Variants in PPP1R13B observed in about 807,000 individuals in gnomAD.
PPP1R13B encodes the protein protein phosphatase 1 regulatory subunit 13B.
In PPP1R13B, 44 loss-of-function variants were observed where a neutral mutation model predicts 119.8. The observed-to-expected ratio is 0.37, with a 90% CI of 0.29 to 0.47. The LOEUF is 0.47. PPP1R13B is among the 20% of genes least tolerant of loss of function. PPP1R13B has a pLI of 0.99. For synonymous variants in PPP1R13B, 542 were observed against 561.5 expected, an observed-to-expected ratio of 0.97 and a Z score of 0.49; for missense variants, 1,227 against 1,413.5, an observed-to-expected ratio of 0.87 and a Z score of 2.12.
intron 1 of PPP1R13B, among the ~76,000 whole-genome samples, chr14:103,816,861 G>A (rs1017540842): frequency 3.9e-5 from 6 of 152,050 alleles, no homozygotes; most frequent in African/African-American, 1.4e-4. Flanking sequence ...TTTATATAAT[G>A]ATGTATATCA....
In PPP1R13B at chr14:103,734,796, G is replaced by C. The variant is rs10134157; in HGVS notation, c.*358C>G. ...CGGCGGACAGTGTTCACTGCTGGAG[G>C]GGGTGATGGCCTCGGGGCCAAGTCA... On this transcript the variant is annotated 3_prime_UTR_variant, in exon 17 of 17. Coordinates refer to ENST00000202556, the MANE Select transcript of PPP1R13B (RefSeq NM_015316.3). 19,443 of 460,794 alleles carry C rather than the reference G, an allele frequency of 0.042. 3,095 individuals carry two copies. Among genetic ancestry groups the C allele is most frequent in the African/African-American group, 0.35 (17,552 of 50,700 alleles). The allele number at this position is 460,794 out of a possible 1,614,324, so 28.5% of individuals were successfully genotyped here.
chr14:103,820,530 C>T (rs569492195), intron 1 of PPP1R13B, among the ~76,000 whole-genome samples: 62 of 151,778 alleles, frequency 4.1e-4, no homozygotes, highest in African/African-American at 1.5e-3. Context: ...ACTCTGTTAC[C>T]CAGGCTGGAG....
chr14:103,744,942 G>T (rs1367112857), intron 9 of PPP1R13B, among the ~76,000 whole-genome samples: 2 of 152,210 alleles, frequency 1.3e-5, no homozygotes, highest in African/African-American at 4.8e-5. Context: ...ACACCAACAA[G>T]GACGGGACAC....
chr14:103,819,708 A>G (rs990950896), intron 1 of PPP1R13B, among the ~76,000 whole-genome samples: 4 of 151,930 alleles, frequency 2.6e-5, no homozygotes, highest in Admixed American at 2.0e-4. Context: ...CTAGAGAGAA[A>G]GCCTACCACA....
chr14:103,777,800 TA>T (rs10658393), intron 4 of PPP1R13B, among the ~76,000 whole-genome samples: 17,307 of 140,952 alleles, frequency 0.12, 1,704 homozygotes, highest in African/African-American at 0.26. Context: ...AAAAAGCAAT[TA>T]AAAAAAAAAA....
At chr14:103,777,814 A>C (rs2085242788) in intron 4 of PPP1R13B, among the ~76,000 whole-genome samples, 1 of 151,780 alleles carries the variant, frequency 6.6e-6, no homozygotes, top group Non-Finnish European at 1.5e-5. Flanking sequence ...AAAAAAAAAA[A>C]AACAGGGTCT....
At position 103,847,347 on chromosome 14, in the gene PPP1R13B, A is replaced by G; in HGVS notation, c.-40T>C. 2 of 1,203,242 alleles carry G rather than the reference A, an allele frequency of 1.7e-6. No homozygotes were observed. Among genetic ancestry groups the G allele is most frequent in the East Asian group, 5.2e-5 (1 of 19,384 alleles). 74.5% of individuals were successfully genotyped at this position (1,203,242 alleles called of 1,614,324 possible). Reference sequence around the variant, plus strand: ...GCGACGCCCTCGGCCGCCGCCTGACAGGACGCTCCGCGCCGAGCTGTGCCC... The same window carrying G: ...GCGACGCCCTCGGCCGCCGCCTGACGGGACGCTCCGCGCCGAGCTGTGCCC... On this transcript the variant is annotated 5_prime_UTR_variant, in exon 1 of 17. Coordinates refer to ENST00000202556, the MANE Select transcript of PPP1R13B (RefSeq NM_015316.3).
intron 1 of PPP1R13B, among the ~76,000 whole-genome samples, chr14:103,799,130 G>C (rs572888655): frequency 2.4e-4 from 36 of 152,210 alleles, no homozygotes; most frequent in Admixed American, 5.2e-4. Context: ...CTTCTGAGTA[G>C]CTGGGATTAC....
intron 15 of PPP1R13B, 184 bp from the exon 16 acceptor site, chr14:103,736,386 G>T: frequency 1.6e-6 from 1 of 625,132 alleles, no homozygotes; most frequent in Non-Finnish European, 2.8e-6. Flanking sequence ...CCCCTGCCCG[G>T]CCCAGCTGCT....
intron 2 of PPP1R13B, among the ~76,000 whole-genome samples, chr14:103,791,017 G>A (rs993685186): frequency 6.6e-6 from 1 of 152,282 alleles, no homozygotes; most frequent in Non-Finnish European, 1.5e-5. Context: ...CAAGGTATAA[G>A]TGATTGTAAT....
intron 1 of PPP1R13B, among the ~76,000 whole-genome samples, chr14:103,835,066 T>C (rs1302741088): frequency 6.6e-6 from 1 of 152,178 alleles, no homozygotes; most frequent in Non-Finnish European, 1.5e-5. Context: ...AGAAGAAGCC[T>C]CATGGTTGCT....
At chr14:103,753,740 C>G (rs1031528962) in intron 6 of PPP1R13B, among the ~76,000 whole-genome samples, 1 of 152,094 alleles carries the variant, frequency 6.6e-6, no homozygotes, top group African/African-American at 2.4e-5. Flanking sequence ...GTCTGAGGGC[C>G]GCAAGAGATC....
chr14:103,741,720 C>A, intron 11 of PPP1R13B, 70 bp downstream of exon 11: 1 of 1,501,432 alleles, frequency 6.7e-7, no homozygotes, highest in Admixed American at 2.1e-5. Context: ...TAAAGAAATA[C>A]ATTAGTATTT....
At chr14:103,804,594 G>A (rs1052066389) in intron 1 of PPP1R13B, among the ~76,000 whole-genome samples, 4 of 152,002 alleles carry the variant, frequency 2.6e-5, no homozygotes, top group Non-Finnish European at 5.9e-5. Context: ...AACTAGCTGG[G>A]CATCATGGTA....
chr14:103,765,622 G>A (rs1204836484), intron 4 of PPP1R13B, among the ~76,000 whole-genome samples: 2 of 152,148 alleles, frequency 1.3e-5, no homozygotes, highest in Non-Finnish European at 2.9e-5. Context: ...CTCCGTTCTA[G>A]AACCAACACT....
At chr14:103,844,228 T>C (rs1414674525) in intron 1 of PPP1R13B, among the ~76,000 whole-genome samples, 3 of 151,206 alleles carry the variant, frequency 2.0e-5, no homozygotes, top group African/African-American at 4.9e-5. Flanking sequence ...GATCGTATCA[T>C]TGCACTCCAG....
chr14:103,840,033 A>G (rs2086867299), intron 1 of PPP1R13B: 1 of 152,238 alleles, frequency 6.6e-6, no homozygotes, highest in Admixed American at 6.5e-5. Context: ...TGATATCACC[A>G]AAGATTCTTA....
chr14:103,756,500 GAGTTTC>G (rs1382466187), intron 5 of PPP1R13B, among the ~76,000 whole-genome samples: 4 of 152,186 alleles, frequency 2.6e-5, no homozygotes, highest in Middle Eastern at 3.4e-3. Flanking sequence ...AGAAAGATTC[GAGTTTC>G]AATAACCAGT....
intron 2 of PPP1R13B, among the ~76,000 whole-genome samples, chr14:103,787,940 G>A (rs921386495): frequency 7.3e-5 from 11 of 151,702 alleles, no homozygotes; most frequent in African/African-American, 1.7e-4. Flanking sequence ...GTGAGCCGCC[G>A]CGCCCAGCCT....
Sources: allele counts gnomAD v4.1 joint callset (sites outside exome capture counted in the v4.1 genomes callset), GRCh38; gene constraint gnomAD v4.1.1; transcripts MANE v1.5; gene names NCBI Gene and HGNC (gene_info 2026-07-23, HGNC 2026-07-21).